Variants in SYN2 observed in about 807,000 individuals in gnomAD.
SYN2 encodes synapsin II, also known as synapsin-2.
SYN2 carries 19 observed loss-of-function variants against 50.9 expected under a neutral mutation model. That is an observed-to-expected ratio of 0.37 (90% CI 0.26 to 0.55). The LOEUF is 0.55. Among genes scored for constraint, SYN2 ranks in the 20% least tolerant of loss-of-function variants. SYN2 has a pLI of 0.81. For missense variants in SYN2, 587 were observed against 576.4 expected, an observed-to-expected ratio of 1.02 and a Z score of -0.19; for synonymous variants, 255 against 224.9, an observed-to-expected ratio of 1.13 and a Z score of -1.20.
chr3:12,022,400 T>TTA (rs996792441), intron 1 of SYN2, among the ~76,000 whole-genome samples: 2 of 151,598 alleles, frequency 1.3e-5, no homozygotes, highest in Non-Finnish European at 2.9e-5. Context: ...TAGGAAGTTA[T>TTA]TATTATTATT....
chr3:12,164,664 A>AT (rs1473368172), intron 7 of SYN2, among the ~76,000 whole-genome samples: 1 of 152,136 alleles, frequency 6.6e-6, no homozygotes, highest in Non-Finnish European at 1.5e-5. Flanking sequence ...AGGTCATATG[A>AT]TTTTTGGGTC....
intron 1 of SYN2, among the ~76,000 whole-genome samples, chr3:12,024,896 C>T (rs527873369): frequency 6.6e-6 from 1 of 152,220 alleles, no homozygotes; most frequent in Non-Finnish European, 1.5e-5. Flanking sequence ...TACACTCCCA[C>T]CAGCAGTATA....
At chr3:12,040,015 T>G (rs1284515962) in intron 1 of SYN2, among the ~76,000 whole-genome samples, 1 of 152,170 alleles carries the variant, frequency 6.6e-6, no homozygotes, top group East Asian at 1.9e-4. Flanking sequence ...GAATACTCAT[T>G]ATTTACTTAG....
At chr3:12,005,813 A>C (rs942002033) in intron 1 of SYN2, among the ~76,000 whole-genome samples, 1 of 152,016 alleles carries the variant, frequency 6.6e-6, no homozygotes, top group Non-Finnish European at 1.5e-5. Flanking sequence ...AGAATGGTGA[A>C]GGCTGCTGCT....
intron 1 of SYN2, among the ~76,000 whole-genome samples, chr3:12,135,677 G>T (rs192836644): frequency 2.2e-4 from 34 of 152,276 alleles, no homozygotes; most frequent in African/African-American, 7.7e-4. Context: ...GGAGAGGAAG[G>T]AAAGAACTTG....
chr3:12,014,495 A>G (rs1363870803), intron 1 of SYN2, among the ~76,000 whole-genome samples: 2 of 152,250 alleles, frequency 1.3e-5, no homozygotes, highest in African/African-American at 4.8e-5. Flanking sequence ...TCTGAATGAG[A>G]GAGCCATAGC....
chr3:12,095,607 G>A (rs1245789264), intron 1 of SYN2, among the ~76,000 whole-genome samples: 1 of 136,282 alleles, frequency 7.3e-6, no homozygotes, highest in Non-Finnish European at 1.6e-5. Context: ...AGATTTGGTG[G>A]GTATTTCTCT....
intron 7 of SYN2, 148 bp from the exon 8 acceptor site, chr3:12,167,086 C>T: frequency 7.9e-6 from 6 of 757,652 alleles, no homozygotes; most frequent in Non-Finnish European, 1.3e-5. Context: ...GGCACCCAGG[C>T]TCTAGGCTCA....
intron 1 of SYN2, among the ~76,000 whole-genome samples, chr3:12,108,954 G>T (rs1354131408): frequency 6.6e-6 from 1 of 151,714 alleles, no homozygotes; most frequent in African/African-American, 2.4e-5. Context: ...TTAAAAATGT[G>T]GTCATAAAGA....
intron 1 of SYN2, among the ~76,000 whole-genome samples, chr3:12,022,971 TGGA>T (rs1445765141): frequency 6.6e-6 from 1 of 152,066 alleles, no homozygotes; most frequent in African/African-American, 2.4e-5. Flanking sequence ...CACCCGGTGG[TGGA>T]GGAGTAGAGA....
At chr3:12,146,089 C>T (rs1258200491) in intron 4 of SYN2, among the ~76,000 whole-genome samples, 1 of 152,248 alleles carries the variant, frequency 6.6e-6, no homozygotes, top group Non-Finnish European at 1.5e-5. Flanking sequence ...AGCACCTTTG[C>T]TGCGGAGTGG....
chr3:12,150,784 C>T (rs1010166906), intron 4 of SYN2, among the ~76,000 whole-genome samples: 5 of 152,136 alleles, frequency 3.3e-5, no homozygotes, highest in Non-Finnish European at 5.9e-5. Context: ...ATCCATCATT[C>T]CTTTGCCTGA....
chr3:12,004,803 C>A lies in SYN2; in HGVS notation c.252C>A (p.Ser84Arg). ...PTPSVGSSFF[S>R]SLSQAVKQTA... ...CGTCGGTGGGCAGCAGCTTCTTCAG[C>A]TCGCTGTCCCAAGCCGTGAAGCAGA... Residue 84 changes from serine (S) to arginine (R), a missense_variant, in exon 1 of 13, where the codon AGC (serine) becomes AGA (arginine). Coordinates refer to ENST00000621198, the MANE Select transcript of SYN2 (RefSeq NM_133625.6). 1 of 403,742 alleles carries A rather than the reference C, an allele frequency of 2.5e-6. No homozygotes were observed. The highest frequency in any genetic ancestry group is 4.5e-5 in the Admixed American group (1 of 22,174). 25.0% of individuals were successfully genotyped at this position (403,742 alleles called of 1,614,324 possible). A position where few individuals can be genotyped will look rare whatever the true frequency, so the allele number is the denominator to read the frequency against.
intron 1 of SYN2, among the ~76,000 whole-genome samples, chr3:12,029,812 G>A (rs1436046793): frequency 1.1e-5 from 1 of 91,730 alleles, no homozygotes; most frequent in Non-Finnish European, 1.9e-5. Context: ...AAACAATCAT[G>A]TCGTCTGCAA....
chr3:12,071,334 C>T (rs181754994), intron 1 of SYN2: 3 of 570,722 alleles, frequency 5.3e-6, no homozygotes, highest in East Asian at 9.1e-5. Context: ...ACAAGTTGGC[C>T]CCTCCATCGT....
chr3:12,127,969 A>G (rs1291126077), intron 1 of SYN2, among the ~76,000 whole-genome samples: 1 of 151,888 alleles, frequency 6.6e-6, no homozygotes, highest in Non-Finnish European at 1.5e-5. Flanking sequence ...TTTTTCAGAC[A>G]GCATCTCACT....
intron 1 of SYN2, among the ~76,000 whole-genome samples, chr3:12,067,194 T>C (rs1322369298): frequency 1.3e-5 from 2 of 151,936 alleles, no homozygotes; most frequent in Admixed American, 1.3e-4. Flanking sequence ...ATTTCACATC[T>C]CCCTAGGGGA....
chr3:12,136,979 C>T (rs58560005), intron 1 of SYN2, among the ~76,000 whole-genome samples: 1 of 152,250 alleles, frequency 6.6e-6, no homozygotes, highest in East Asian at 1.9e-4. Context: ...GGCATGGTGA[C>T]TCACTCCTAT....
At chr3:12,113,306 A>C (rs1017590930) in intron 1 of SYN2, among the ~76,000 whole-genome samples, 2 of 151,780 alleles carry the variant, frequency 1.3e-5, no homozygotes, top group African/African-American at 4.9e-5. Flanking sequence ...TTTGATTCTA[A>C]TATGTTATAT....
Sources: gnomAD v4.1 joint callset for allele counts (sites outside exome capture counted in the v4.1 genomes callset) on GRCh38, gnomAD v4.1.1 for gene constraint, MANE v1.5 for transcripts, NCBI Gene and HGNC (gene_info 2026-07-23, HGNC 2026-07-21) for gene names.